TTC23L: variants seen among roughly 807,000 people sequenced by gnomAD.
TTC23L encodes the protein tetratricopeptide repeat domain 23 like.
Under a neutral mutation model 48.1 loss-of-function variants are expected in TTC23L, and 42 were observed. That is an observed-to-expected ratio of 0.87 (90% CI 0.68 to 1.13). The LOEUF (loss-of-function observed/expected upper bound fraction) is 1.13, where lower values mean the gene tolerates loss of function less well. TTC23L is among the 50% of genes most tolerant of loss of function. The probability of loss-of-function intolerance (pLI) is 0.00; values close to 1 mark genes in which losing one functional copy is unlikely to be tolerated. For missense variants in TTC23L, 391 were observed against 421.0 expected (o/e 0.93, Z 0.62); for synonymous variants, 159 against 157.2 (o/e 1.01, Z -0.09).
the TTC23L span, chr5:34,919,778 G>A: frequency 1.8e-6 from 1 of 542,782 alleles, no homozygotes; most frequent in South Asian, 2.8e-5. Context: ...TATGTGGTTT[G>A]ATTGAAATAA....
chr5:34,862,597 G>GTA (rs1295494010), intron 4 of TTC23L, among the ~76,000 whole-genome samples: 1 of 152,112 alleles, frequency 6.6e-6, no homozygotes, highest in Non-Finnish European at 1.5e-5. Flanking sequence ...CCAAACTGAG[G>GTA]TACGAAGGCT....
chr5:34,922,338 C>G, the TTC23L span: 1 of 1,184,350 alleles, frequency 8.4e-7, no homozygotes, highest in East Asian at 2.4e-5. Context: ...TGGATTTGTT[C>G]TTTGTACCTT....
chr5:34,903,992 G>A (rs1023222804), downstream of TTC23L, among the ~76,000 whole-genome samples: 49 of 151,688 alleles, frequency 3.2e-4, no homozygotes, highest in African/African-American at 1.0e-3. Context: ...GTTGAGACAG[G>A]GTCCCACTCT....
the TTC23L span, chr5:34,915,396 C>A: frequency 3.5e-5 from 9 of 255,956 alleles, no homozygotes; most frequent in Non-Finnish European, 3.0e-5. Context: ...TCTCGGGGTC[C>A]CCGAGTGCGG....
the TTC23L span, chr5:34,922,989 T>G: frequency 1.3e-6 from 2 of 1,508,414 alleles, no homozygotes; most frequent in South Asian, 1.1e-5. Context: ...TATGCTTACC[T>G]TATTTTTATA....
intron 3 of TTC23L, 66 bp downstream of exon 3, chr5:34,845,739 T>C: frequency 7.0e-7 from 1 of 1,434,412 alleles, no homozygotes; most frequent in Non-Finnish European, 9.4e-7. Context: ...AGAGAAGCTT[T>C]GCCTTCGATG....
At chr5:34,839,721 G>T in intron 1 of TTC23L, 1 of 923,446 alleles carries the variant, frequency 1.1e-6, no homozygotes, top group Non-Finnish European at 1.3e-6. Flanking sequence ...AGGCGACTTG[G>T]TGGATGTTAA....
intron 9 of TTC23L, among the ~76,000 whole-genome samples, chr5:34,880,836 T>TC (rs1235176809): frequency 6.6e-6 from 1 of 151,918 alleles, no homozygotes. Flanking sequence ...ATGGGGTTTC[T>TC]CCATGTTGAC....
At chr5:34,846,624 C>T (rs1262115312) in intron 3 of TTC23L, among the ~76,000 whole-genome samples, 1 of 135,650 alleles carries the variant, frequency 7.4e-6, no homozygotes, top group Non-Finnish European at 1.5e-5. Context: ...TATACACACA[C>T]ATATACATAT....
intron 3 of TTC23L, 55 bp from the exon 4 acceptor site, chr5:34,850,130 G>A (rs1383944040): frequency 6.3e-7 from 1 of 1,595,268 alleles, no homozygotes; most frequent in South Asian, 1.1e-5. Context: ...ATAAGTCCAT[G>A]GGGTAGAGAC....
At chr5:34,922,983 C>T in the TTC23L span, 1 of 1,489,884 alleles carries the variant, frequency 6.7e-7, no homozygotes, top group African/African-American at 1.4e-5. Flanking sequence ...AAATAATATG[C>T]TTACCTTATT....
At chr5:34,850,076 A>G (rs1029344799) in intron 3 of TTC23L, 109 bp from the exon 4 acceptor site, 1 of 1,272,580 alleles carries the variant, frequency 7.9e-7, no homozygotes, top group African/African-American at 1.5e-5. Context: ...AAGGAAAGAG[A>G]AGAGAAAAAA....
the TTC23L span, chr5:34,907,781 A>G: frequency 2.0e-5 from 3 of 152,260 alleles, no homozygotes; most frequent in Admixed American, 6.5e-5. Flanking sequence ...TAAATCACAT[A>G]AAGAATTGTT....
intron 9 of TTC23L, among the ~76,000 whole-genome samples, chr5:34,892,401 C>CA (rs1213124801): frequency 1.3e-5 from 2 of 152,104 alleles, no homozygotes; most frequent in African/African-American, 4.8e-5. Context: ...AAAGGGCATA[C>CA]AAAAATCTCA....
Position 34,859,814 on chromosome 5 carries a change from T to C in TTC23L, c.380-3084T>C, listed in dbSNP as rs534350611. Among the ~76,000 whole-genome samples, 17 of 150,878 alleles carry C rather than the reference T, an allele frequency of 1.1e-4. No homozygotes were observed. The South Asian group carries it at 3.5e-3, about 31-fold the overall frequency. On this transcript the variant is annotated intron_variant, in intron 4 of 10. Coordinates refer to ENST00000505624, the Ensembl canonical transcript of TTC23L. ...ATGCATAGCTTATACGTTTTTCTTT[T>C]TTTTCTTTTCTTTTCTTTTCTTCTT...
intron 4 of TTC23L, among the ~76,000 whole-genome samples, chr5:34,860,371 G>T (rs1017120013): frequency 6.6e-6 from 1 of 152,136 alleles, no homozygotes; most frequent in South Asian, 2.1e-4. Context: ...CTACTTCTTC[G>T]ATAAAGATTT....
At chr5:34,890,847 T>C (rs1456554673) in intron 9 of TTC23L, among the ~76,000 whole-genome samples, 1 of 152,132 alleles carries the variant, frequency 6.6e-6, no homozygotes, top group Non-Finnish European at 1.5e-5. Context: ...GCCGGTCTTC[T>C]TGCTTCTGCC....
the TTC23L span, among the ~76,000 whole-genome samples, chr5:34,912,955 T>C: frequency 2.0e-5 from 3 of 152,200 alleles, no homozygotes; most frequent in Admixed American, 2.0e-4. Flanking sequence ...GAGCTGAGAC[T>C]GTGCCATTGT....
At chr5:34,854,303 G>C (rs1367843742) in intron 4 of TTC23L, among the ~76,000 whole-genome samples, 3 of 152,208 alleles carry the variant, frequency 2.0e-5, no homozygotes, top group African/African-American at 4.8e-5. Context: ...ACATGGTATA[G>C]TGGAGCCTAG....
Sources: allele counts gnomAD v4.1 joint callset (sites outside exome capture counted in the v4.1 genomes callset), GRCh38; gene constraint gnomAD v4.1.1; transcripts MANE v1.5; gene names NCBI Gene and HGNC (gene_info 2026-07-23, HGNC 2026-07-21).